The following AHI1 variants were observed in gnomAD, a reference collection of about 807,000 sequenced individuals.
AHI1 encodes jouberin.
Under a neutral mutation model 149.3 loss-of-function variants are expected in AHI1, and 123 were observed. The ratio of observed to expected loss-of-function variants is 0.82; its 90% confidence interval spans 0.71 to 0.96. The LOEUF is 0.96. Among genes scored for constraint, AHI1 ranks in the 40% least tolerant of loss-of-function variants. The pLI, the probability that AHI1 is intolerant of heterozygous loss-of-function variation, is 0.00. For synonymous variants in AHI1, 475 were observed against 459.8 expected, an observed-to-expected ratio of 1.03 and a Z score of -0.42; for missense variants, 1,439 against 1,422.7, an observed-to-expected ratio of 1.01 and a Z score of -0.18.
chr6:135,468,168 C>T (rs1791094669), intron 5 of AHI1, among the ~76,000 whole-genome samples: 1 of 152,082 alleles, frequency 6.6e-6, no homozygotes, highest in Admixed American at 6.5e-5. Flanking sequence ...TTTCCAAATT[C>T]TATCTGTTCT....
chr6:135,492,580 T>G (rs1182150609), intron 3 of AHI1: 1 of 984,604 alleles, frequency 1.0e-6, no homozygotes, highest in Admixed American at 6.1e-5. Flanking sequence ...GGTATGTTAA[T>G]AAACTTTTTA....
At chr6:135,312,560 A>T (rs578083222) in intron 26 of AHI1, among the ~76,000 whole-genome samples, 1 of 151,306 alleles carries the variant, frequency 6.6e-6, no homozygotes, top group East Asian at 1.9e-4. Context: ...AAGCAACCAA[A>T]CAAAGAAAAC....
intron 20 of AHI1, among the ~76,000 whole-genome samples, chr6:135,412,279 G>A (rs1781714971): frequency 6.6e-6 from 1 of 152,278 alleles, no homozygotes; most frequent in African/African-American, 2.4e-5. Flanking sequence ...AAGTATGAGA[G>A]AAGATGTCCA....
At chr6:135,360,803 A>C (rs547991275) in intron 23 of AHI1, among the ~76,000 whole-genome samples, 1 of 152,366 alleles carries the variant, frequency 6.6e-6, no homozygotes, top group African/African-American at 2.4e-5. Context: ...TATAGATAGA[A>C]TAAATCGACC....
At chr6:135,424,472 T>C (rs184990545) in intron 20 of AHI1, among the ~76,000 whole-genome samples, 10 of 152,192 alleles carry the variant, frequency 6.6e-5, no homozygotes, top group Admixed American at 3.3e-4. Context: ...ACTAGTACTC[T>C]GTTATTATGG....
At chr6:135,334,439 T>C (rs950597968) in intron 24 of AHI1, among the ~76,000 whole-genome samples, 1 of 152,160 alleles carries the variant, frequency 6.6e-6, no homozygotes, top group Non-Finnish European at 1.5e-5. Flanking sequence ...AGCTTGGACT[T>C]CCCAGTCTCC....
At chr6:135,467,235 G>C (rs941508023) in intron 6 of AHI1, among the ~76,000 whole-genome samples, 1 of 152,160 alleles carries the variant, frequency 6.6e-6, no homozygotes, top group African/African-American at 2.4e-5. Context: ...CAAATGTAAA[G>C]ATGGCTTGAC....
At chr6:135,431,108 T>C (rs1784590090) in intron 17 of AHI1, 100 bp downstream of exon 17, 1 of 706,892 alleles carries the variant, frequency 1.4e-6, no homozygotes, top group Admixed American at 3.2e-5. Context: ...TTTTTTGAAA[T>C]GAGAGAACAG....
At chr6:135,330,814 C>T (rs919355607) in intron 24 of AHI1, among the ~76,000 whole-genome samples, 1 of 152,228 alleles carries the variant, frequency 6.6e-6, no homozygotes, top group Non-Finnish European at 1.5e-5. Flanking sequence ...GTGCTGTGAA[C>T]TTCTCATATG....
intron 15 of AHI1, among the ~76,000 whole-genome samples, chr6:135,434,744 C>A (rs972205905): frequency 6.6e-6 from 1 of 151,680 alleles, no homozygotes; most frequent in Admixed American, 6.6e-5. Context: ...CAAAGAAATA[C>A]AAATTTGTAA....
rs773892320 is a variant in AHI1 at position 135,442,635 on chromosome 6, T to C, written c.1859A>G (p.Asn620Ser). ...ACAAGCTGCTGCTAATATTCTTCCA[T>C]TGTGGGAGAAATCAAGACAAAAACA... ...RGCFCLDFSH[N>S]GRILAAACAS... The change falls in exon 14 of 29, where the codon AAT becomes AGT. Residue 620 changes from asparagine (N) to serine (S), a missense_variant. Coordinates refer to ENST00000265602, the MANE Select transcript of AHI1 (RefSeq NM_001134831.2). 22 of 1,609,834 alleles carry C rather than the reference T, an allele frequency of 1.4e-5. No homozygotes were observed. In the Admixed American group the frequency reaches 2.2e-4, roughly 16 times the overall value.
intron 26 of AHI1, among the ~76,000 whole-genome samples, chr6:135,311,382 T>C (rs957852244): frequency 6.7e-6 from 1 of 149,088 alleles, no homozygotes; most frequent in East Asian, 2.0e-4. Context: ...CCTAGTTTCA[T>C]AAACATAAAA....
At chr6:135,315,760 A>G (rs941950955) in intron 26 of AHI1, among the ~76,000 whole-genome samples, 5 of 152,286 alleles carry the variant, frequency 3.3e-5, no homozygotes, top group African/African-American at 1.2e-4. Flanking sequence ...GATGGTTATT[A>G]TTCTTCTTGT....
At chr6:135,453,115 A>G (rs532156445) in intron 11 of AHI1, among the ~76,000 whole-genome samples, 2 of 152,300 alleles carry the variant, frequency 1.3e-5, no homozygotes, top group South Asian at 4.1e-4. Flanking sequence ...GTCTTTTTTA[A>G]TGCTACATCC....
intron 24 of AHI1, among the ~76,000 whole-genome samples, chr6:135,332,917 C>G (rs1788814562): frequency 6.6e-6 from 1 of 152,158 alleles, no homozygotes; most frequent in Non-Finnish European, 1.5e-5. Flanking sequence ...TGAAATGCTG[C>G]CCCATTCTGG....
At chr6:135,313,758 C>T (rs1386662807) in intron 26 of AHI1, among the ~76,000 whole-genome samples, 1 of 152,104 alleles carries the variant, frequency 6.6e-6, no homozygotes, top group Non-Finnish European at 1.5e-5. Context: ...AGAACACAGG[C>T]ACATCAGGAA....
At chr6:135,471,838 C>T (rs1429724326) in intron 5 of AHI1, among the ~76,000 whole-genome samples, 1 of 150,424 alleles carries the variant, frequency 6.6e-6, no homozygotes, top group Non-Finnish European at 1.5e-5. Context: ...AGGTGAAACC[C>T]CGTCTCTACT....
chr6:135,445,651 C>A (rs192817729), intron 13 of AHI1, among the ~76,000 whole-genome samples: 61 of 152,278 alleles, frequency 4.0e-4, no homozygotes, highest in African/African-American at 1.5e-3. Context: ...TAGCTCACTG[C>A]AGCCTTGAAT....
At chr6:135,379,518 A>G (rs1776391289) in intron 23 of AHI1, among the ~76,000 whole-genome samples, 1 of 152,174 alleles carries the variant, frequency 6.6e-6, no homozygotes, top group Admixed American at 6.5e-5. Context: ...TTTAACACAG[A>G]ATTTGTTACT....
Sources: gnomAD v4.1 joint callset for allele counts (sites outside exome capture counted in the v4.1 genomes callset) on GRCh38, gnomAD v4.1.1 for gene constraint, MANE v1.5 for transcripts, NCBI Gene and HGNC (gene_info 2026-07-23, HGNC 2026-07-21) for gene names.